KDM6B: variants seen among roughly 807,000 people sequenced by gnomAD.
KDM6B encodes lysine-specific demethylase 6B.
KDM6B carries 22 observed loss-of-function variants against 150.4 expected under a neutral mutation model. The ratio of observed to expected loss-of-function variants is 0.15; its 90% CI spans 0.10 to 0.21. The LOEUF (loss-of-function observed/expected upper bound fraction) is 0.21, where lower values mean the gene tolerates loss of function less well. Ranked by LOEUF, KDM6B falls within the 10% of genes least tolerant of loss-of-function variation. The pLI, the probability that KDM6B is intolerant of heterozygous loss-of-function variation, is 1.00. For missense variants in KDM6B, 1,984 were observed against 2,234.3 expected, an observed-to-expected ratio of 0.89 and a Z score of 2.26; for synonymous variants, 1,148 against 921.1, an observed-to-expected ratio of 1.25 and a Z score of -4.46.
At chr17:7,835,819 C>G (rs1477266142) in intron 1 of KDM6B, among the ~76,000 whole-genome samples, 1 of 152,036 alleles carries the variant, frequency 6.6e-6, no homozygotes, top group African/African-American at 2.4e-5. Context: ...CCCCCCTCCC[C>G]TCGTGGAGTC....
chr17:7,849,817 G>T lies in KDM6B; in HGVS notation c.3441-4G>T. 6.2e-7 allele frequency: 1 copy of T among 1,612,928 alleles called. No homozygotes were observed. Among genetic ancestry groups the T allele is most frequent in the East Asian group, 2.2e-5 (1 of 44,872 alleles). On this transcript the variant is annotated splice_region_variant and splice_polypyrimidine_tract_variant and intron_variant, in intron 12 of 23. Coordinates refer to ENST00000448097, the MANE Select transcript of KDM6B (RefSeq NM_001348716.2). ...TCTGTCTTCATTCCACTGTCCTCCC[G>T]CAGGAATGCCAAGGTGAAAGGGAAG... is the stretch of plus-strand genomic sequence containing the variant.
At position 7,851,320 on chromosome 17, in the gene KDM6B, G is replaced by C. The variant is rs769144943; in HGVS notation, c.3880-10G>C. ...TCTGACCCAGGCCTGCCTACCCTCTGGCTGAACAGGAGGAGAAGGAGAGTG... is the reference window on the plus strand; with the variant it reads ...TCTGACCCAGGCCTGCCTACCCTCTCGCTGAACAGGAGGAGAAGGAGAGTG... On this transcript the variant is annotated splice_polypyrimidine_tract_variant and intron_variant, in intron 15 of 23. Transcript: ENST00000448097. The C allele has an allele frequency of 6.2e-7, 1 of 1,614,082 alleles. No homozygotes were observed. The highest frequency in any genetic ancestry group is 1.7e-5 in the Admixed American group (1 of 60,028).
intron 1 of KDM6B, among the ~76,000 whole-genome samples, 197 bp from the exon 2 acceptor site, chr17:7,839,709 C>G (rs2078386234): frequency 6.6e-6 from 1 of 152,140 alleles, no homozygotes; most frequent in Non-Finnish European, 1.5e-5. Flanking sequence ...CCCTTACCAA[C>G]TGATCGAGCC....
chr17:7,847,533 T>C lies in KDM6B; in HGVS notation c.1258-13T>C, dbSNP rs757342631. The C allele has an allele frequency of 1.2e-6, 2 of 1,612,896 alleles. No individual in the cohort carries two copies. The highest frequency in any genetic ancestry group is 3.3e-5 in the Admixed American group (2 of 59,960). On this transcript the variant is annotated splice_polypyrimidine_tract_variant and intron_variant, in intron 11 of 23. Coordinates refer to ENST00000448097, the MANE Select transcript of KDM6B (RefSeq NM_001348716.2). ...CCGAGCAATGCTCCTACCACCTGCT[T>C]CTACACTTGCAGCCCGGCGCTGACC...
At position 7,844,594 on chromosome 17, in the gene KDM6B, G is replaced by A. The variant is rs1384683765; in HGVS notation, c.-268-307G>A. ...GTCGTCCGTCGGTCTTACGGTGGCC[G>A]GGCGTGGGGCTACTCGAGCAGCCTG... On this transcript the variant is annotated intron_variant, in intron 2 of 23. Transcript: ENST00000448097. This position sits in a 1 kb window ranked among gnomAD's most constrained non-coding sequence, Gnocchi z 5.9. Among the ~76,000 whole-genome samples the A allele has an allele frequency of 3.3e-5, 5 of 152,220 alleles. No individual in the cohort carries two copies. The highest frequency in any genetic ancestry group is 1.2e-4 in the African/African-American group (5 of 41,458).
At position 7,842,603 on chromosome 17, in the gene KDM6B, C is replaced by T. The variant is rs1480515761; in HGVS notation, c.-268-2298C>T. Among the ~76,000 whole-genome samples the T allele has an allele frequency of 3.9e-5, 6 of 152,228 alleles. No homozygotes were observed. The South Asian group carries it at 1.0e-3, about 26-fold the overall frequency. Reference sequence around the variant, plus strand: ...GTGAGAGTGGAGCGCGAGCTGGCGGCGACTGGGGAACAGGTGCAAGCGCCG... The same window carrying T: ...GTGAGAGTGGAGCGCGAGCTGGCGGTGACTGGGGAACAGGTGCAAGCGCCG... On this transcript the variant is annotated intron_variant, in intron 2 of 23. Transcript: ENST00000448097.
chr17:7,850,139 T>C lies in KDM6B; in HGVS notation c.3635T>C (p.Ile1212Thr), dbSNP rs1353419981. Residue 1212 changes from isoleucine (I) to threonine (T), a missense_variant, in exon 14 of 24, where the codon ATC becomes ACC. Ile to Thr is a moderately conservative substitution (Grantham distance 89). This residue lies in a region of KDM6B where 15 missense variants were observed against 48.7 expected (regional missense o/e 0.31). Transcript: ENST00000448097. ...LQFCTDPRNPITVIRGLAGSL... is the reference protein window; with the variant it reads ...LQFCTDPRNPTTVIRGLAGSL... ...TTCTGTACAGACCCTCGAAATCCCA[T>C]CACAGTGATCCGGGGCCTGGCGGGC... is the stretch of plus-strand genomic sequence containing the variant. 6.2e-7 allele frequency: 1 copy of C among 1,613,610 alleles called. No individual in the cohort carries two copies. Among genetic ancestry groups the C allele is most frequent in the Non-Finnish European group, 8.5e-7 (1 of 1,180,008 alleles).
chr17:7,853,568 G>A lies in KDM6B; in HGVS notation c.*47G>A, dbSNP rs2078749016. On this transcript the variant is annotated 3_prime_UTR_variant, in exon 24 of 24. Transcript: ENST00000448097. ...GCCTGCCCGCGCAAGGCGCCGCGGG[G>A]CCACCAGCACATGCCTGGGCTGGAC... is the stretch of plus-strand genomic sequence containing the variant. The A allele has an allele frequency of 7.3e-7, 1 of 1,360,744 alleles. No homozygotes were observed. Among genetic ancestry groups the A allele is most frequent in the South Asian group, 1.5e-5 (1 of 65,590 alleles). The allele number at this position is 1,360,744 out of a possible 1,614,324, so 84.3% of individuals were successfully genotyped here.
At chr17:7,852,873 C>A in intron 21 of KDM6B, 127 bp from the exon 22 acceptor site, 2 of 1,372,484 alleles carry the variant, frequency 1.5e-6, no homozygotes, top group Non-Finnish European at 2.1e-6. Flanking sequence ...GAGGATGTGA[C>A]CTAGACATGA....
rs746971654 is a variant in KDM6B, at chr17:7,846,756, G to T, written c.711+16G>T. ...CTCTGAACAGGTGTGGGTATAGGGG[G>T]GCCAGCAGGCAGTAAGTAGGCAGGA... On this transcript the variant is annotated intron_variant, in intron 9 of 23. Coordinates refer to ENST00000448097, the MANE Select transcript of KDM6B (RefSeq NM_001348716.2). 1 of 1,613,848 alleles carries T rather than the reference G, an allele frequency of 6.2e-7. No individual in the cohort carries two copies. The highest frequency in any genetic ancestry group is 8.5e-7 in the Non-Finnish European group (1 of 1,179,948).
Position 7,851,372 on chromosome 17 carries a change from A to C in KDM6B, c.3922A>C (p.Ser1308Arg). 6.2e-7 allele frequency: 1 copy of C among 1,614,204 alleles called. No individual in the cohort carries two copies. The highest frequency in any genetic ancestry group is 8.5e-7 in the Non-Finnish European group (1 of 1,180,030). ...SEDEESEEPDSTTGTPPSSAP... is the reference protein window; with the variant it reads ...SEDEESEEPDRTTGTPPSSAP... The stretch of plus-strand genomic sequence containing the variant: ...GGATGAGGAGTCAGAGGAGCCAGAC[A>C]GCACCACTGGAACCCCTCCTAGGTA... The change falls in exon 16 of 24, where the codon AGC becomes CGC. Residue 1308 changes from serine to arginine, a missense_variant. Around this residue, in one of 13 missense-constraint regions of KDM6B, gnomAD observed 41 missense variants for 38.4 expected, o/e 1.07. Transcript: ENST00000448097.
Position 7,853,510 on chromosome 17 carries a change from A to G in KDM6B, c.4921A>G (p.Thr1641Ala). Reference sequence around the variant, plus strand: ...TTTCTCCCCCCAGGCCCCAGCCAGCACGTCGCGATGAGGCCGGACGCCCCG... The same window carrying G: ...TTTCTCCCCCCAGGCCCCAGCCAGCGCGTCGCGATGAGGCCGGACGCCCCG... ...YDAFTLAPASTSR is the reference protein window; with the variant it reads ...YDAFTLAPASASR The change falls in exon 24 of 24, where the codon ACG (threonine) becomes GCG (alanine). Residue 1641 changes from threonine to alanine, a missense_variant. This residue lies in a region of KDM6B where 58 missense variants were observed against 76.4 expected (regional missense o/e 0.76). Transcript: ENST00000448097. 6.6e-7 allele frequency: 1 copy of G among 1,506,234 alleles called. No individual in the cohort carries two copies. Among genetic ancestry groups the G allele is most frequent in the Non-Finnish European group, 8.8e-7 (1 of 1,134,474 alleles). The allele number at this position is 1,506,234 out of a possible 1,614,324, so 93.3% of individuals were successfully genotyped here. A position where few individuals can be genotyped will look rare whatever the true frequency, so the allele number is the denominator to read the frequency against.
intron 3 of KDM6B, 128 bp from the exon 4 acceptor site, chr17:7,845,186 T>G: frequency 5.2e-6 from 2 of 381,118 alleles, no homozygotes; most frequent in Non-Finnish European, 1.0e-5. Flanking sequence ...GGCCTCCCTT[T>G]GGGGAAAGCT....
At position 7,847,566 on chromosome 17, in the gene KDM6B, A is replaced by T; in HGVS notation, c.1278A>T (p.Gln426His). 6.2e-7 allele frequency: 1 copy of T among 1,612,998 alleles called. No homozygotes were observed. The highest frequency in any genetic ancestry group is 8.5e-7 in the Non-Finnish European group (1 of 1,179,862). ...TGCAGCCCGGCGCTGACCATTACCA[A>T]ACTCCCGCGCTGGAGGTCTCTCACC... Reference protein sequence around the residue: ...NPGIPGADHYQTPALEVSHHG... With the variant: ...NPGIPGADHYHTPALEVSHHG... Residue 426 changes from glutamine to histidine, a missense_variant, in exon 12 of 24, where the codon CAA (glutamine) becomes CAT (histidine). Transcript: ENST00000448097.
intron 7 of KDM6B, 44 bp downstream of exon 7, chr17:7,846,341 C>A: frequency 6.3e-7 from 1 of 1,580,284 alleles, no homozygotes; most frequent in Non-Finnish European, 8.6e-7. Context: ...TACGATTGTG[C>A]CTTCTGGCTC....
At position 7,849,711 on chromosome 17, in the gene KDM6B, C is replaced by T. The variant is rs778169246; in HGVS notation, c.3423C>T (p.Asp1141=). ...TCACCATCAGCCACTGTGCTGCTGA[C>T]GTCGTGCGCGCCAGCAGGTGAGTCG... ...ADLTISHCAA[D]VVRASRNAKV... is the part of the protein sequence containing the mutation. Residue 1141 remains aspartate (D), a synonymous_variant, in exon 12 of 24, where the codon GAC becomes GAT. Transcript: ENST00000448097. The T allele has an allele frequency of 3.0e-5, 49 of 1,611,314 alleles. No individual in the cohort carries two copies. The highest frequency in any genetic ancestry group is 2.5e-4 in the East Asian group (11 of 44,846).
Position 7,844,584 on chromosome 17 carries a change from T to TA in KDM6B, c.-268-316dup, listed in dbSNP as rs936206635. On this transcript the variant is annotated intron_variant, in intron 2 of 23. Coordinates refer to ENST00000448097, the MANE Select transcript of KDM6B (RefSeq NM_001348716.2). The surrounding 1 kb of genome is among the most constrained non-coding windows in gnomAD (Gnocchi z 5.9). Reference sequence around the variant, plus strand: ...GCATCCGTCTGTCGTCCGTCGGTCTTACGGTGGCCGGGCGTGGGGCTACTC... The same window carrying TA: ...GCATCCGTCTGTCGTCCGTCGGTCTTAACGGTGGCCGGGCGTGGGGCTACTC... Among the ~76,000 whole-genome samples, 1 of 152,126 alleles carries TA rather than the reference T, an allele frequency of 6.6e-6. No homozygotes were observed. The highest frequency in any genetic ancestry group is 2.4e-5 in the African/African-American group (1 of 41,422).
In KDM6B at chr17:7,849,317, C is replaced by T; in HGVS notation, c.3029C>T (p.Pro1010Leu). Residue 1010 changes from proline (P) to leucine (L), a missense_variant, in exon 12 of 24, where the codon CCC becomes CTC. Pro to Leu is a moderately conservative substitution (Grantham distance 98, BLOSUM62 -3). Around this residue, in one of 13 missense-constraint regions of KDM6B, gnomAD observed 1,379 missense variants for 1,275.6 expected, o/e 1.08. Transcript: ENST00000448097. ...AGGGCAAAGGCCAAGGCCAAGGTCC[C>T]CAAAGAAAAGAGCCGCCGGGTGCTG... Reference protein sequence around the residue: ...EGRAKAKAKVPKEKSRRVLGN... With the variant: ...EGRAKAKAKVLKEKSRRVLGN... 6.4e-7 allele frequency: 1 copy of T among 1,565,094 alleles called. No homozygotes were observed. Among genetic ancestry groups the T allele is most frequent in the Non-Finnish European group, 8.7e-7 (1 of 1,155,022 alleles).
chr17:7,835,395 C>T (rs1397006731), intron 1 of KDM6B, among the ~76,000 whole-genome samples: 2 of 151,940 alleles, frequency 1.3e-5, no homozygotes, highest in Admixed American at 6.6e-5. Flanking sequence ...ACAGGAAGAG[C>T]CCTGGGAGGA....
Sources: gnomAD v4.1 joint callset for allele counts (sites outside exome capture counted in the v4.1 genomes callset) on GRCh38, gnomAD v4.1.1 for gene constraint, gnomAD v4.1.1 regional missense constraint, Gnocchi (gnomAD v3.1) non-coding constraint, MANE v1.5 for transcripts, NCBI Gene and HGNC (gene_info 2026-07-23, HGNC 2026-07-21) for gene names.